Variants in PTPRD observed in about 807,000 individuals in gnomAD.
The protein encoded by PTPRD is receptor-type tyrosine-protein phosphatase delta.
Under a neutral mutation model 214.5 loss-of-function variants are expected in PTPRD, and 34 were observed. The ratio of observed to expected loss-of-function variants is 0.16; its 90% CI spans 0.12 to 0.21. PTPRD has a LOEUF of 0.21. Ranked by LOEUF, PTPRD falls within the 10% of genes least tolerant of loss-of-function variation. The pLI is 1.00. For synonymous variants in PTPRD, 1,128 were observed against 845.7 expected (o/e 1.33, Z -5.79); for missense variants, 2,545 against 2,398.7 (o/e 1.06, Z -1.27).
At chr9:10,043,668 C>G (rs2097336762) in intron 3 of PTPRD, among the ~76,000 whole-genome samples, 1 of 151,652 alleles carries the variant, frequency 6.6e-6, no homozygotes, top group South Asian at 2.1e-4. Context: ...TGGTTCACAC[C>G]TAAAGATCAA....
chr9:8,917,404 T>TG (rs1400482616), intron 11 of PTPRD, among the ~76,000 whole-genome samples: 1 of 151,854 alleles, frequency 6.6e-6, no homozygotes, highest in East Asian at 1.9e-4. Context: ...CCCAAAGTGC[T>TG]GGGATTACAA....
intron 11 of PTPRD, among the ~76,000 whole-genome samples, chr9:8,846,570 T>A (rs2097701009): frequency 6.6e-6 from 1 of 152,168 alleles, no homozygotes; most frequent in Non-Finnish European, 1.5e-5. Context: ...TCAGCTAAGC[T>A]ATGCCCTGAA....
chr9:9,690,722 G>A (rs2097254486), intron 7 of PTPRD, among the ~76,000 whole-genome samples: 1 of 151,884 alleles, frequency 6.6e-6, no homozygotes, highest in Admixed American at 6.6e-5. Context: ...TGAAGAGCCT[G>A]TTATTTTGCC....
intron 3 of PTPRD, among the ~76,000 whole-genome samples, chr9:10,303,323 C>G (rs1276728298): frequency 6.6e-6 from 1 of 151,864 alleles, no homozygotes; most frequent in Non-Finnish European, 1.5e-5. Context: ...CATCTAAATT[C>G]GATACCCTAA....
At chr9:8,698,687 C>A (rs939606619) in intron 12 of PTPRD, among the ~76,000 whole-genome samples, 2 of 152,188 alleles carry the variant, frequency 1.3e-5, no homozygotes. Flanking sequence ...CATGGTGAAA[C>A]TGCCTGAAAA....
At chr9:9,292,099 C>T (rs115175195) in intron 9 of PTPRD, among the ~76,000 whole-genome samples, 2,026 of 151,230 alleles carry the variant, frequency 0.013, 47 homozygotes, top group African/African-American at 0.047. Context: ...ATCTATGAGA[C>T]GAGGGCCTAC....
At chr9:8,947,020 TTTTC>T in intron 11 of PTPRD, among the ~76,000 whole-genome samples, 2 of 120,424 alleles carry the variant, frequency 1.7e-5, no homozygotes, top group African/African-American at 6.6e-5. Flanking sequence ...CTGTATTTTT[TTTTC>T]TTTTCTTTTT....
intron 3 of PTPRD, among the ~76,000 whole-genome samples, chr9:10,072,408 C>T (rs944832505): frequency 1.4e-4 from 21 of 152,024 alleles, no homozygotes; most frequent in African/African-American, 5.1e-4. Context: ...AAGAATGGAG[C>T]CATGGACCTT....
At chr9:10,426,392 C>A (rs985078279) in intron 2 of PTPRD, among the ~76,000 whole-genome samples, 6 of 151,598 alleles carry the variant, frequency 4.0e-5, no homozygotes, top group Non-Finnish European at 8.8e-5. Flanking sequence ...TCAAAAAAGC[C>A]CAAAAATTTT....
intron 12 of PTPRD, among the ~76,000 whole-genome samples, chr9:8,703,919 G>T (rs2098143154): frequency 6.6e-6 from 1 of 152,138 alleles, no homozygotes; most frequent in African/African-American, 2.4e-5. Context: ...CCTCCTCCGA[G>T]TGTTTCTTAT....
rs558390678 is a variant in PTPRD, at chr9:9,980,628, A to C, written c.-471-42018T>G. On this transcript the variant is annotated intron_variant, in intron 4 of 45. Coordinates refer to ENST00000381196, the MANE Select transcript of PTPRD (RefSeq NM_002839.4). ...CTTGTCAAAAAAAAACAAAAAAAAA[A>C]AAAAAACAAAAAAAAAAACCCTTTA... Among the ~76,000 whole-genome samples, 697 of 98,094 alleles carry C rather than the reference A, an allele frequency of 7.1e-3. 25 individuals are homozygous for C. The highest frequency in any genetic ancestry group is 0.011 in the Non-Finnish European group (543 of 48,296). 64.4% of individuals were successfully genotyped at this position (98,094 alleles called of 152,430 possible).
chr9:9,260,592 T>C (rs1444354640), intron 9 of PTPRD, among the ~76,000 whole-genome samples: 1 of 151,566 alleles, frequency 6.6e-6, no homozygotes, highest in Non-Finnish European at 1.5e-5. Flanking sequence ...TTTGAAAGAG[T>C]AGGGTGAGGT....
intron 3 of PTPRD, among the ~76,000 whole-genome samples, chr9:10,267,215 A>G (rs992393140): frequency 2.0e-5 from 3 of 146,392 alleles, no homozygotes; most frequent in African/African-American, 7.6e-5. Context: ...AAAGGAAAAA[A>G]CAAAAAAGTA....
At chr9:10,364,030 T>C (rs944005566) in intron 2 of PTPRD, among the ~76,000 whole-genome samples, 1 of 125,956 alleles carries the variant, frequency 7.9e-6, no homozygotes, top group African/African-American at 3.0e-5. Flanking sequence ...GATGGAGTCT[T>C]GCTCTGTTGC....
chr9:8,399,086 G>A (rs1196123891), intron 36 of PTPRD, among the ~76,000 whole-genome samples: 1 of 118,662 alleles, frequency 8.4e-6, no homozygotes, highest in Non-Finnish European at 1.7e-5. Flanking sequence ...TTTAGAATAA[G>A]CCCACTAAGC....
intron 3 of PTPRD, among the ~76,000 whole-genome samples, chr9:10,249,629 T>C (rs1383397103): frequency 5.9e-5 from 9 of 152,190 alleles, no homozygotes; most frequent in Admixed American, 5.9e-4. Flanking sequence ...TAAAATTTTA[T>C]TGCATTTTTT....
intron 14 of PTPRD, among the ~76,000 whole-genome samples, chr9:8,589,252 A>T (rs2093913651): frequency 6.6e-6 from 1 of 152,206 alleles, no homozygotes; most frequent in Non-Finnish European, 1.5e-5. Flanking sequence ...AGGAAGCTCA[A>T]CATATACCCT....
chr9:9,286,875 T>TG (rs1341141270), intron 9 of PTPRD, among the ~76,000 whole-genome samples: 421 of 2,572 alleles, frequency 0.16, 33 homozygotes, highest in African/African-American at 0.22. Context: ...AACTACTGAA[T>TG]ATATATATAT....
intron 11 of PTPRD, among the ~76,000 whole-genome samples, chr9:8,799,209 T>TTAC (rs1390696426): frequency 6.6e-6 from 1 of 152,230 alleles, no homozygotes; most frequent in Non-Finnish European, 1.5e-5. Flanking sequence ...ACACAGATAA[T>TTAC]TATCACCAGT....
Sources: gnomAD v4.1 joint callset for allele counts (sites outside exome capture counted in the v4.1 genomes callset) on GRCh38, gnomAD v4.1.1 for gene constraint, MANE v1.5 for transcripts, NCBI Gene and HGNC (gene_info 2026-07-23, HGNC 2026-07-21) for gene names.